Variants in ANKRD36 observed in about 807,000 individuals in gnomAD.
The protein encoded by ANKRD36 is ankyrin repeat domain 36.
A neutral mutation model predicts 278.1 loss-of-function variants in ANKRD36; 179 were observed. The ratio of observed to expected loss-of-function variants is 0.64; its 90% confidence interval spans 0.57 to 0.73. The LOEUF is 0.73. ANKRD36 is among the 30% of genes least tolerant of loss of function. The pLI is 0.00. For missense variants in ANKRD36, 1,159 were observed against 1,956.7 expected (o/e 0.59, Z 7.69); for synonymous variants, 320 against 641.1 (o/e 0.50, Z 7.57).
chr2:97,209,915 G>C (rs1292091511), intron 56 of ANKRD36, 43 bp downstream of exon 56: 2 of 1,542,152 alleles, frequency 1.3e-6, no homozygotes, highest in Admixed American at 2.0e-5. Context: ...AGTCCAGATA[G>C]GTAAGAAATT....
At chr2:97,235,105 T>G (rs1378707054) in intron 68 of ANKRD36, among the ~76,000 whole-genome samples, 1 of 151,068 alleles carries the variant, frequency 6.6e-6, no homozygotes, top group Non-Finnish European at 1.5e-5. Context: ...TCACAAAGAT[T>G]GTTCCTGTGT....
intron 67 of ANKRD36, among the ~76,000 whole-genome samples, chr2:97,230,994 C>G (rs1165478536): frequency 1.3e-5 from 2 of 152,090 alleles, no homozygotes; most frequent in African/African-American, 4.8e-5. Flanking sequence ...GATCGTTCCT[C>G]TGGGAGTTTT....
At position 97,179,917 on chromosome 2, in the gene ANKRD36, A is replaced by T; in HGVS notation, c.1719A>T (p.Gly573=). Residue 573 remains glycine, a synonymous_variant, in exon 24 of 76, where the codon GGA becomes GGT. Transcript: ENST00000420699. Reference sequence around the variant, plus strand: ...ATATAGCCACAGAAATAAAGGAGGGACCAATATCTGGGACAGGTAATTTTG... The same window carrying T: ...ATATAGCCACAGAAATAAAGGAGGGTCCAATATCTGGGACAGGTAATTTTG... ...VSNIATEIKE[G]PISGTVSSQK... is the part of the protein sequence containing the mutation. The T allele has an allele frequency of 9.3e-6, 15 of 1,605,788 alleles. No homozygotes were observed. The highest frequency in any genetic ancestry group is 1.3e-5 in the Non-Finnish European group (15 of 1,178,296).
At chr2:97,184,262 C>A (rs1308580563) in intron 28 of ANKRD36, among the ~76,000 whole-genome samples, 1 of 151,736 alleles carries the variant, frequency 6.6e-6, no homozygotes, top group Admixed American at 6.6e-5. Flanking sequence ...CCGATGACTA[C>A]TGGAATCAGG....
intron 32 of ANKRD36, 57 bp downstream of exon 32, chr2:97,187,458 C>T (rs1233170295): frequency 5.1e-6 from 5 of 989,808 alleles, no homozygotes; most frequent in Non-Finnish European, 7.1e-6. Flanking sequence ...AAGAACTTCT[C>T]TACCCCTAAT....
intron 46 of ANKRD36, among the ~76,000 whole-genome samples, chr2:97,201,158 A>G (rs538121986): frequency 6.6e-6 from 1 of 152,024 alleles, no homozygotes; most frequent in African/African-American, 2.4e-5. Flanking sequence ...ATTGGCATAA[A>G]AACACAATAA....
At position 97,232,823 on chromosome 2, in the gene ANKRD36, A is replaced by T. The variant is rs563251186; in HGVS notation, c.3952-907A>T. Among the ~76,000 whole-genome samples, 26 of 152,094 alleles carry T rather than the reference A, an allele frequency of 1.7e-4. No homozygotes were observed. The East Asian group carries it at 4.1e-3, about 24-fold the overall frequency. On this transcript the variant is annotated intron_variant, in intron 67 of 75. Transcript: ENST00000420699. ...TTTTTATAATGATACTGAAAGTACA[A>T]AAGCAAGAAACCCAGAAGTAGTTAT...
Position 97,123,018 on chromosome 2 carries a change from T to C in ANKRD36, c.593+25T>C, listed in dbSNP as rs1222440657. On this transcript the variant is annotated intron_variant, in intron 4 of 75. Transcript: ENST00000420699. ...GGTACAGACCTTAGTTCTTATTGTG[T>C]CGTTTTTAAACCTGAGTGTCATTTT... 2.7e-6 allele frequency: 4 copies of C among 1,500,634 alleles called. No homozygotes were observed. In the African/African-American group the frequency reaches 5.6e-5, roughly 21 times the overall value. 93.0% of individuals were successfully genotyped at this position (1,500,634 alleles called of 1,614,324 possible).
At chr2:97,181,663 T>A in intron 25 of ANKRD36, 37 bp downstream of exon 25, 1 of 1,604,522 alleles carries the variant, frequency 6.2e-7, no homozygotes, top group Non-Finnish European at 8.5e-7. Context: ...AACTATTAAC[T>A]GTATAGTCTA....
chr2:97,185,606 A>G (rs779113064), intron 30 of ANKRD36, 96 bp downstream of exon 30: 5 of 1,424,498 alleles, frequency 3.5e-6, no homozygotes, highest in Admixed American at 2.0e-5. Flanking sequence ...TCAAAGCTGC[A>G]CATTCTGATT....
chr2:97,230,254 C>G (rs1463015184), intron 67 of ANKRD36, among the ~76,000 whole-genome samples: 16 of 152,082 alleles, frequency 1.1e-4, no homozygotes, highest in Non-Finnish European at 2.1e-4. Flanking sequence ...GTTCCATTCT[C>G]CCCGTGACTT....
intron 64 of ANKRD36, among the ~76,000 whole-genome samples, 157 bp downstream of exon 64, chr2:97,217,529 G>A (rs2066272745): frequency 6.6e-6 from 1 of 152,068 alleles, no homozygotes; most frequent in African/African-American, 2.4e-5. Flanking sequence ...TGTTGTTGAT[G>A]CTGCTGGTCC....
At chr2:97,157,130 C>CCTCTCTCTCT (rs564270958) in intron 15 of ANKRD36, among the ~76,000 whole-genome samples, 9 of 67,262 alleles carry the variant, frequency 1.3e-4, no homozygotes, top group African/African-American at 2.6e-4. Flanking sequence ...GTTTTTTTTT[C>CCTCTCTCTCT]CTCTCTCTCT....
Position 97,128,716 on chromosome 2 carries a change from A to G in ANKRD36, c.799+1582A>G, listed in dbSNP as rs1009815518. 3.9e-5 allele frequency among the ~76,000 whole-genome samples: 6 copies of G among 151,904 alleles called. 1 individual carries two copies. The highest frequency in any genetic ancestry group is 5.9e-5 in the Non-Finnish European group (4 of 67,988). ...TCAAAACCTAAGGGTAATGTGTGAG[A>G]AAAACTGTGGTCTTCTTATCTGCTC... On this transcript the variant is annotated intron_variant, in intron 6 of 75. Coordinates refer to ENST00000420699, the MANE Select transcript of ANKRD36 (RefSeq NM_001354587.1).
Position 97,145,323 on chromosome 2 carries a change from G to A in ANKRD36, c.1003+611G>A, listed in dbSNP as rs2043985487. Among the ~76,000 whole-genome samples the A allele has an allele frequency of 2.6e-5, 4 of 152,020 alleles. No homozygotes were observed. In the South Asian group the frequency reaches 8.3e-4, roughly 32 times the overall value. ...GCTGCTCCAGGAACTACTGGAAGCA[G>A]GATAGAGTGCTAGAATTGTGATGAA... On this transcript the variant is annotated intron_variant, in intron 10 of 75. Transcript: ENST00000420699.
intron 44 of ANKRD36, among the ~76,000 whole-genome samples, chr2:97,199,519 A>T (rs1490269864): frequency 6.6e-6 from 1 of 151,940 alleles, no homozygotes; most frequent in African/African-American, 2.4e-5. Flanking sequence ...ATTCCAATTA[A>T]CTCCTAAAAT....
chr2:97,202,259 C>A, intron 47 of ANKRD36, 29 bp downstream of exon 47: 1 of 1,607,476 alleles, frequency 6.2e-7, no homozygotes, highest in African/African-American at 1.3e-5. Flanking sequence ...ATCTTGTGAA[C>A]GAGTTAATGT....
intron 67 of ANKRD36, among the ~76,000 whole-genome samples, chr2:97,231,257 G>GAGGC (rs2071934062): frequency 6.6e-6 from 1 of 152,160 alleles, no homozygotes. Flanking sequence ...GGAGCCTACA[G>GAGGC]AGGCAGGCAG....
intron 67 of ANKRD36, among the ~76,000 whole-genome samples, chr2:97,227,223 G>A (rs1217961547): frequency 6.6e-6 from 1 of 152,096 alleles, no homozygotes; most frequent in African/African-American, 2.4e-5. Flanking sequence ...GGGCAGTATG[G>A]CCATTTTAAC....
Sources: allele counts gnomAD v4.1 joint callset (sites outside exome capture counted in the v4.1 genomes callset), GRCh38; gene constraint gnomAD v4.1.1; transcripts MANE v1.5; gene names NCBI Gene and HGNC (gene_info 2026-07-23, HGNC 2026-07-21).